The following ZEB2 variants were observed in gnomAD, a reference collection of about 807,000 sequenced individuals.
The protein encoded by ZEB2 is zinc finger E-box binding homeobox 2.
A neutral mutation model predicts 99.9 loss-of-function variants in ZEB2; 6 were observed. That is an observed-to-expected ratio of 0.06 (90% CI 0.03 to 0.12). ZEB2 has a LOEUF of 0.12. Among genes scored for constraint, ZEB2 ranks in the 10% least tolerant of loss-of-function variants. The pLI, the probability that ZEB2 is intolerant of heterozygous loss-of-function variation, is 1.00. For synonymous variants in ZEB2, 517 were observed against 542.5 expected (o/e 0.95, Z 0.65); for missense variants, 969 against 1,502.8 (o/e 0.64, Z 5.87).
chr2:144,454,060 A>C (rs1453717858), intron 2 of ZEB2, among the ~76,000 whole-genome samples: 1 of 152,194 alleles, frequency 6.6e-6, no homozygotes, highest in East Asian at 1.9e-4. Flanking sequence ...ATTACCACAA[A>C]TCTCTGTTGT....
At chr2:144,418,556 C>T (rs1201016099) in intron 4 of ZEB2, among the ~76,000 whole-genome samples, 7 of 152,024 alleles carry the variant, frequency 4.6e-5, no homozygotes, top group Non-Finnish European at 1.0e-4. Context: ...GGCGTGGTGG[C>T]GCATGCCTGT....
chr2:144,505,000 A>T (rs1189244081), intron 2 of ZEB2, among the ~76,000 whole-genome samples: 7 of 152,210 alleles, frequency 4.6e-5, no homozygotes, highest in Admixed American at 4.6e-4. Context: ...TTAAAATACG[A>T]GCAGGGAAAA....
At chr2:144,393,600 G>C (rs937362779) in intron 9 of ZEB2, among the ~76,000 whole-genome samples, 1 of 152,184 alleles carries the variant, frequency 6.6e-6, no homozygotes, top group Non-Finnish European at 1.5e-5. Context: ...CTATCCCACA[G>C]GTTCAATTGG....
chr2:144,481,785 A>C (rs1163524265), intron 2 of ZEB2, among the ~76,000 whole-genome samples: 1 of 152,206 alleles, frequency 6.6e-6, no homozygotes, highest in Non-Finnish European at 1.5e-5. Flanking sequence ...GAATTTGTTG[A>C]AAGAACAATT....
intron 2 of ZEB2, among the ~76,000 whole-genome samples, chr2:144,472,438 T>C (rs532831899): frequency 6.6e-6 from 1 of 152,206 alleles, no homozygotes; most frequent in African/African-American, 2.4e-5. Context: ...ATGATGGTGA[T>C]TGAAGCGGGG....
intron 2 of ZEB2, among the ~76,000 whole-genome samples, chr2:144,515,742 CACA>C: frequency 6.6e-6 from 1 of 151,538 alleles, no homozygotes. Flanking sequence ...ACACCTCCAC[CACA>C]ACAAGCAAAA....
intron 4 of ZEB2, among the ~76,000 whole-genome samples, chr2:144,408,351 C>T (rs1297507595): frequency 6.6e-6 from 1 of 152,122 alleles, no homozygotes; most frequent in African/African-American, 2.4e-5. Flanking sequence ...GGAACTTAGA[C>T]CTAATACTCA....
chr2:144,487,765 T>C (rs1276467020), intron 2 of ZEB2, among the ~76,000 whole-genome samples: 1 of 152,200 alleles, frequency 6.6e-6, no homozygotes, highest in Admixed American at 6.5e-5. Flanking sequence ...GAATTCAAGC[T>C]ACCAAATGAT....
chr2:144,396,624 G>A (rs757118274), intron 8 of ZEB2, 32 bp from the exon 9 acceptor site: 13 of 1,605,044 alleles, frequency 8.1e-6, no homozygotes, highest in Non-Finnish European at 1.1e-5. Flanking sequence ...CAATACAGTG[G>A]CTTCTCTTTG....
At chr2:144,519,499 A>C (rs2149936813) in intron 1 of ZEB2, 1 of 157,996 alleles carries the variant, frequency 6.3e-6, no homozygotes, top group Admixed American at 6.1e-5. Flanking sequence ...CAAGTTTTGT[A>C]ATTATTAACA....
At chr2:144,517,730 T>G in intron 1 of ZEB2, 1 of 702,210 alleles carries the variant, frequency 1.4e-6, no homozygotes, top group East Asian at 2.7e-5. Flanking sequence ...ACCGCTTGAC[T>G]CAGGGCTAGG....
intron 2 of ZEB2, chr2:144,482,474 T>C (rs952106329): frequency 2.0e-5 from 3 of 152,242 alleles, no homozygotes; most frequent in African/African-American, 4.8e-5. Context: ...TCCAAATGTG[T>C]TGAGCCTGTC....
At chr2:144,513,790 C>A in intron 2 of ZEB2, 2 of 1,536,134 alleles carry the variant, frequency 1.3e-6, no homozygotes, top group Non-Finnish European at 1.7e-6. Flanking sequence ...TCATTTCTGA[C>A]TCCAAGGCTG....
intron 2 of ZEB2, among the ~76,000 whole-genome samples, chr2:144,503,432 T>C (rs1426625145): frequency 6.6e-6 from 1 of 152,164 alleles, no homozygotes; most frequent in Non-Finnish European, 1.5e-5. Flanking sequence ...AGTTCAACAG[T>C]GCCTGTCGAA....
chr2:144,397,586 A>G (rs1360658705), intron 8 of ZEB2, among the ~76,000 whole-genome samples: 1 of 152,244 alleles, frequency 6.6e-6, no homozygotes, highest in Non-Finnish European at 1.5e-5. Context: ...TCTCTGTAAA[A>G]CAAATGTACC....
At position 144,503,827 on chromosome 2, in the gene ZEB2, T is replaced by G. The variant is rs762892682; in HGVS notation, c.73+13451A>C. 6.6e-5 allele frequency: 10 copies of G among 152,126 alleles called. 1 individual carries two copies. Among genetic ancestry groups the G allele is most frequent in the Non-Finnish European group, 1.0e-4 (7 of 68,010 alleles). The allele number at this position is 152,126 out of a possible 1,614,324, so 9.4% of individuals were successfully genotyped here. ...CTTTTAAACAACTTAATACGTGTTC[T>G]CATATTACCAGGATAGTAGGGCATT... On this transcript the variant is annotated intron_variant, in intron 2 of 9. Transcript: ENST00000627532.
At chr2:144,469,061 G>A (rs1704317247) in intron 2 of ZEB2, among the ~76,000 whole-genome samples, 3 of 152,050 alleles carry the variant, frequency 2.0e-5, no homozygotes, top group South Asian at 4.1e-4. Flanking sequence ...AAGGCTCTGT[G>A]AGGACTCACT....
intron 2 of ZEB2, among the ~76,000 whole-genome samples, chr2:144,468,453 G>A (rs550483749): frequency 2.0e-4 from 30 of 152,276 alleles, no homozygotes; most frequent in African/African-American, 6.7e-4. Context: ...TGTGTCTGAT[G>A]CTTAAGGACA....
At chr2:144,481,162 T>C (rs1704505933) in intron 2 of ZEB2, among the ~76,000 whole-genome samples, 1 of 152,164 alleles carries the variant, frequency 6.6e-6, no homozygotes, top group Non-Finnish European at 1.5e-5. Context: ...AATTTATTAT[T>C]GAAGAGAACT....
Sources: gnomAD v4.1 joint callset for allele counts (sites outside exome capture counted in the v4.1 genomes callset) on GRCh38, gnomAD v4.1.1 for gene constraint, MANE v1.5 for transcripts, NCBI Gene and HGNC (gene_info 2026-07-23, HGNC 2026-07-21) for gene names.